SGCZ: variants seen among roughly 807,000 people sequenced by gnomAD.
The protein encoded by SGCZ is sarcoglycan zeta.
A neutral mutation model predicts 41.3 loss-of-function variants in SGCZ; 40 were observed. The observed-to-expected ratio is 0.97, with a 90% CI of 0.75 to 1.26. The LOEUF (loss-of-function observed/expected upper bound fraction) is 1.26. Among genes scored for constraint, SGCZ ranks in the 50% most tolerant of loss-of-function variants. The probability of loss-of-function intolerance (pLI) is 0.00; values close to 1 mark genes in which losing one functional copy is unlikely to be tolerated. For missense variants in SGCZ, 552 were observed against 369.8 expected, an observed-to-expected ratio of 1.49 and a Z score of -4.04; for synonymous variants, 206 against 137.5, an observed-to-expected ratio of 1.50 and a Z score of -3.49.
rs74676875 is a variant in SGCZ at position 14,420,471 on chromosome 8, G to T, written c.235-96267C>A. On this transcript the variant is annotated intron_variant, in intron 2 of 7. Transcript: ENST00000382080. ...TTTATTTTGATTTTACTGTTGTTCGGTATTGCATTCTATATTTGCTGTCTA... is the reference window on the plus strand; with the variant it reads ...TTTATTTTGATTTTACTGTTGTTCGTTATTGCATTCTATATTTGCTGTCTA... 7.5e-3 allele frequency among the ~76,000 whole-genome samples: 1,135 copies of T among 151,954 alleles called. 18 individuals are homozygous for T. The highest frequency in any genetic ancestry group is 0.025 in the African/African-American group (1,048 of 41,438).
chr8:14,855,764 C>A (rs1803526295), intron 1 of SGCZ, among the ~76,000 whole-genome samples: 1 of 152,072 alleles, frequency 6.6e-6, no homozygotes. Context: ...CAGAACATGC[C>A]CGGTAACATA....
At chr8:14,708,536 T>A (rs1392496626) in intron 1 of SGCZ, among the ~76,000 whole-genome samples, 1 of 152,028 alleles carries the variant, frequency 6.6e-6, no homozygotes, top group Non-Finnish European at 1.5e-5. Flanking sequence ...TTCTTCTGTG[T>A]ATATAATATC....
intron 1 of SGCZ, among the ~76,000 whole-genome samples, chr8:14,890,673 G>A (rs1268106791): frequency 6.6e-6 from 1 of 152,198 alleles, no homozygotes; most frequent in Non-Finnish European, 1.5e-5. Context: ...GATGAAAGTG[G>A]CTATTTTTAT....
At chr8:14,207,999 A>G (rs542169887) in intron 4 of SGCZ, among the ~76,000 whole-genome samples, 3 of 152,284 alleles carry the variant, frequency 2.0e-5, no homozygotes, top group South Asian at 2.1e-4. Context: ...TATACACACT[A>G]TGATGGACTA....
chr8:15,101,654 G>A lies in SGCZ; in HGVS notation c.39+135931C>T, dbSNP rs138395978. ...AATGAAAATTGGTAAAAATCGGCCA[G>A]GAGCGGTGGCTCACGCATGTAATCC... On this transcript the variant is annotated intron_variant, in intron 1 of 7. Coordinates refer to ENST00000382080, the MANE Select transcript of SGCZ (RefSeq NM_139167.4). 3.7e-3 allele frequency among the ~76,000 whole-genome samples: 561 copies of A among 152,286 alleles called. 4 individuals are homozygous for A. Among genetic ancestry groups the A allele is most frequent in the African/African-American group, 0.013 (536 of 41,548 alleles).
chr8:14,589,018 G>T (rs1221112329), intron 1 of SGCZ, among the ~76,000 whole-genome samples: 7 of 152,062 alleles, frequency 4.6e-5, no homozygotes, highest in African/African-American at 1.7e-4. Context: ...ACTAAAATAT[G>T]CATTCTTCTT....
chr8:14,624,598 T>C (rs1313972426), intron 1 of SGCZ, among the ~76,000 whole-genome samples: 1 of 134,554 alleles, frequency 7.4e-6, no homozygotes, highest in African/African-American at 2.8e-5. Flanking sequence ...TGAGACGGAG[T>C]CTCGCTCTGT....
intron 1 of SGCZ, among the ~76,000 whole-genome samples, chr8:14,945,430 T>C (rs1056192692): frequency 5.3e-5 from 8 of 152,100 alleles, no homozygotes; most frequent in African/African-American, 1.9e-4. Flanking sequence ...AAGGCCTCTG[T>C]GCTTGGCAGT....
intron 4 of SGCZ, among the ~76,000 whole-genome samples, chr8:14,195,792 C>T (rs1805248673): frequency 6.6e-6 from 1 of 151,996 alleles, no homozygotes; most frequent in Admixed American, 6.6e-5. Flanking sequence ...TGGATGACTC[C>T]CAATTCTACA....
intron 5 of SGCZ, among the ~76,000 whole-genome samples, chr8:14,111,875 C>G (rs1381547893): frequency 6.6e-6 from 1 of 152,082 alleles, no homozygotes; most frequent in Non-Finnish European, 1.5e-5. Context: ...AGGATACTAC[C>G]CTTTACAAAT....
chr8:14,347,227 T>C (rs1027186915), intron 2 of SGCZ, among the ~76,000 whole-genome samples: 3 of 152,142 alleles, frequency 2.0e-5, no homozygotes, highest in African/African-American at 7.2e-5. Context: ...AAAGACTTCA[T>C]ATTGAGCTAA....
chr8:14,226,775 G>A (rs927286303), intron 4 of SGCZ, among the ~76,000 whole-genome samples: 2 of 152,060 alleles, frequency 1.3e-5, no homozygotes, highest in African/African-American at 4.8e-5. Context: ...TAGGAACAGG[G>A]AAACTGTGTT....
Position 14,632,129 on chromosome 8 carries a change from C to T in SGCZ, c.40-77203G>A, listed in dbSNP as rs576394070. Among the ~76,000 whole-genome samples the T allele has an allele frequency of 3.0e-3, 458 of 152,130 alleles. 1 individual carries two copies. The highest frequency in any genetic ancestry group is 5.2e-3 in the Non-Finnish European group (353 of 67,978). On this transcript the variant is annotated intron_variant, in intron 1 of 7. Transcript: ENST00000382080. ...GACCTGCTGGGCTTAAATGATCCTC[C>T]CACCTCAGCCACCTGAATAGCTGGG...
At chr8:14,660,755 G>A (rs1425332140) in intron 1 of SGCZ, among the ~76,000 whole-genome samples, 1 of 151,906 alleles carries the variant, frequency 6.6e-6, no homozygotes, top group African/African-American at 2.4e-5. Context: ...GGAAAGCTTG[G>A]CATTCTCAAA....
At chr8:14,408,186 A>G (rs1264431218) in intron 2 of SGCZ, among the ~76,000 whole-genome samples, 2 of 152,160 alleles carry the variant, frequency 1.3e-5, no homozygotes, top group Admixed American at 1.3e-4. Context: ...GGAAAGAAGG[A>G]AACTGTTAAA....
chr8:14,213,886 A>T (rs1805902569), intron 4 of SGCZ, among the ~76,000 whole-genome samples: 1 of 152,162 alleles, frequency 6.6e-6, no homozygotes, highest in Admixed American at 6.5e-5. Context: ...TGTACATACT[A>T]GTTTTATAAT....
chr8:14,770,994 G>A (rs188916286), intron 1 of SGCZ, among the ~76,000 whole-genome samples: 1 of 152,174 alleles, frequency 6.6e-6, no homozygotes, highest in Non-Finnish European at 1.5e-5. Flanking sequence ...ATAAACACAA[G>A]TACACTTCAA....
At chr8:14,285,688 G>T (rs1800596414) in intron 3 of SGCZ, among the ~76,000 whole-genome samples, 1 of 152,106 alleles carries the variant, frequency 6.6e-6, no homozygotes, top group Non-Finnish European at 1.5e-5. Flanking sequence ...AAGAATAGTG[G>T]ATAGTTGTAC....
intron 2 of SGCZ, among the ~76,000 whole-genome samples, chr8:14,481,215 A>G (rs530302425): frequency 7.2e-4 from 110 of 152,332 alleles, no homozygotes; most frequent in Non-Finnish European, 1.3e-3. Context: ...TTTGGTAACC[A>G]GGGAAATGCT....
Sources: allele counts gnomAD v4.1 joint callset (sites outside exome capture counted in the v4.1 genomes callset), GRCh38; gene constraint gnomAD v4.1.1; transcripts MANE v1.5; gene names NCBI Gene and HGNC (gene_info 2026-07-23, HGNC 2026-07-21).